COL5A3: variants seen among roughly 807,000 people sequenced by gnomAD.
The protein encoded by COL5A3 is collagen alpha-3(V) chain.
A neutral mutation model predicts 250.0 loss-of-function variants in COL5A3; 172 were observed. The observed-to-expected ratio is 0.69, with a 90% CI of 0.61 to 0.78. The LOEUF is 0.78. Among genes scored for constraint, COL5A3 ranks in the 30% least tolerant of loss-of-function variants. The pLI, the probability that COL5A3 is intolerant of heterozygous loss-of-function variation, is 0.00. For missense variants in COL5A3, 2,340 were observed against 2,334.4 expected, an observed-to-expected ratio of 1.00 and a Z score of -0.05; for synonymous variants, 937 against 900.4, an observed-to-expected ratio of 1.04 and a Z score of -0.73.
Position 9,996,229 on chromosome 19 carries a change from GC to G in COL5A3, c.1455del (p.Leu486SerfsTer16). The G allele has an allele frequency of 6.3e-7, 1 of 1,577,786 alleles. No homozygotes were observed. The highest frequency in any genetic ancestry group is 8.6e-7 in the Non-Finnish European group (1 of 1,164,126). Reference protein sequence around the residue: ...LSMKGPPGPVGLTGRPGPVGL... With the variant: ...LSMKGPPGPVXLTGRPGPVGL... ...ACCACAGGGCCTGGGCGCCCAGTGA[GC>G]CCCACTGGACCAGGGGGGCCTTTCA... On this transcript the variant is annotated frameshift_variant, in exon 14 of 67. Coordinates refer to ENST00000264828, the MANE Select transcript of COL5A3 (RefSeq NM_015719.4). LOFTEE classifies it high-confidence loss of function.
In COL5A3 at chr19:9,986,536, T is replaced by G; in HGVS notation, c.2244+17A>C. The G allele has an allele frequency of 2.5e-6, 4 of 1,612,580 alleles. No individual in the cohort carries two copies. Among genetic ancestry groups the G allele is most frequent in the Non-Finnish European group, 3.4e-6 (4 of 1,179,034 alleles). On this transcript the variant is annotated intron_variant, in intron 29 of 66. Transcript: ENST00000264828. ...GCCCCCAGACCCACACCACCCCTCATCTGGAGCTGGTCTTACCTGATCACC... is the reference window on the plus strand; with the variant it reads ...GCCCCCAGACCCACACCACCCCTCAGCTGGAGCTGGTCTTACCTGATCACC...
At chr19:10,003,189 A>G (rs2087389026) in intron 6 of COL5A3, among the ~76,000 whole-genome samples, 1 of 152,164 alleles carries the variant, frequency 6.6e-6, no homozygotes, top group Admixed American at 6.6e-5. Context: ...CTAACTAATG[A>G]ACACGTCATT....
intron 4 of COL5A3, 53 bp downstream of exon 4, chr19:10,005,505 T>C (rs2087428461): frequency 3.8e-6 from 6 of 1,560,274 alleles, no homozygotes; most frequent in South Asian, 1.1e-5. Context: ...ATTCAGGCTG[T>C]AGACAAAACA....
rs553667785 is a variant in COL5A3 at position 9,978,641 on chromosome 19, T to A, written c.2965-14A>T. 6 of 1,540,642 alleles carry A rather than the reference T, an allele frequency of 3.9e-6. No homozygotes were observed. Among genetic ancestry groups the A allele is most frequent in the Non-Finnish European group, 5.2e-6 (6 of 1,144,024 alleles). ...GCCAGTAGGTCCCTGAAGGAGGAGA[T>A]AATTCACAGTTAAGAGACTCCCAAA... is the stretch of plus-strand genomic sequence containing the variant. On this transcript the variant is annotated splice_polypyrimidine_tract_variant and intron_variant, in intron 40 of 66. Coordinates refer to ENST00000264828, the MANE Select transcript of COL5A3 (RefSeq NM_015719.4).
Position 10,003,561 on chromosome 19 carries a change from T to C in COL5A3, c.849+4A>G. ...CCGGAAGTGAGAGGTCTCAGGGCCC[T>C]TACCTGGTTCTCTGCGGAGTCAGGA... On this transcript the variant is annotated splice_donor_region_variant and intron_variant, in intron 6 of 66. Coordinates refer to ENST00000264828, the MANE Select transcript of COL5A3 (RefSeq NM_015719.4). 1 of 1,614,004 alleles carries C rather than the reference T, an allele frequency of 6.2e-7. No individual in the cohort carries two copies. The highest frequency in any genetic ancestry group is 8.5e-7 in the Non-Finnish European group (1 of 1,179,908).
chr19:9,967,269 C>T, intron 62 of COL5A3, 78 bp downstream of exon 62: 1 of 1,108,290 alleles, frequency 9.0e-7, no homozygotes, highest in Non-Finnish European at 1.2e-6. Flanking sequence ...CGGAAGGACC[C>T]TCTGGGGACA....
Position 9,986,590 on chromosome 19 carries a change from G to A in COL5A3, c.2207C>T (p.Pro736Leu). Residue 736 changes from proline to leucine, a missense_variant, in exon 29 of 67, where the codon CCA becomes CTA. Around this residue, in one of 3 missense-constraint regions of COL5A3, gnomAD observed 1,152 missense variants for 1,146.3 expected, o/e 1.00. Coordinates refer to ENST00000264828, the MANE Select transcript of COL5A3 (RefSeq NM_015719.4). ...EKGEKGEDGF[P>L]GFKGDVGLKG... ...GAGCCCCACATCGCCCTTGAAGCCT[G>A]GGAAGCCGTCCTCTCCCTGGGTGGG... The A allele has an allele frequency of 6.2e-7, 1 of 1,613,834 alleles. No homozygotes were observed. Among genetic ancestry groups the A allele is most frequent in the Non-Finnish European group, 8.5e-7 (1 of 1,179,966 alleles).
At chr19:9,985,214 G>T (rs564449556) in intron 31 of COL5A3, among the ~76,000 whole-genome samples, 1 of 149,686 alleles carries the variant, frequency 6.7e-6, no homozygotes, top group Admixed American at 6.7e-5. Context: ...GCCTCCCAAA[G>T]CGTTGGGATT....
chr19:10,005,509 C>A, intron 4 of COL5A3, 49 bp downstream of exon 4: 1 of 1,584,158 alleles, frequency 6.3e-7, no homozygotes. Flanking sequence ...AGGCTGTAGA[C>A]AAAACATCCC....
rs144513958 is a variant in COL5A3, at chr19:9,991,611, T to C, written c.1991A>G (p.Lys664Arg). The C allele has an allele frequency of 1.9e-6, 3 of 1,595,098 alleles. No individual in the cohort carries two copies. The highest frequency in any genetic ancestry group is 2.6e-6 in the Non-Finnish European group (3 of 1,170,542). The change falls in exon 24 of 67, where the codon AAG becomes AGG. Residue 664 changes from lysine to arginine, a missense_variant and splice_region_variant. Lys to Arg is a conservative substitution (Grantham distance 26). Around this residue, in one of 3 missense-constraint regions of COL5A3, gnomAD observed 1,152 missense variants for 1,146.3 expected, o/e 1.00. Transcript: ENST00000264828. The stretch of plus-strand genomic sequence containing the variant: ...GCGGTAGGTGGAGCTGTCACTCACC[T>C]TCTCCCCAGGAGTGCCAATGAGTCC... ...PQGLIGTPGE[K>R]GPPGNPGIPG... is the part of the protein sequence containing the mutation.
At chr19:9,985,572 T>C (rs1349319040) in intron 31 of COL5A3, among the ~76,000 whole-genome samples, 1 of 152,094 alleles carries the variant, frequency 6.6e-6, no homozygotes, top group Non-Finnish European at 1.5e-5. Context: ...ATCTGGCTAA[T>C]TTTTGTATGT....
At chr19:9,988,029 G>A (rs926069054) in intron 27 of COL5A3, among the ~76,000 whole-genome samples, 15 of 152,222 alleles carry the variant, frequency 9.9e-5, no homozygotes, top group African/African-American at 3.1e-4. Flanking sequence ...GAGGTCAGGC[G>A]TTCAAGACCA....
intron 8 of COL5A3, 56 bp from the exon 9 acceptor site, chr19:9,998,205 C>T: frequency 6.6e-7 from 1 of 1,525,850 alleles, no homozygotes; most frequent in Non-Finnish European, 8.9e-7. Context: ...GGACATAAGC[C>T]CTTCAGTTAT....
At chr19:9,990,968 T>C (rs1422141564) in intron 24 of COL5A3, among the ~76,000 whole-genome samples, 1 of 152,176 alleles carries the variant, frequency 6.6e-6, no homozygotes, top group African/African-American at 2.4e-5. Flanking sequence ...CTCTCGCCTG[T>C]AATCCCAGCA....
Position 9,980,943 on chromosome 19 carries a change from C to T in COL5A3, c.2506-84G>A, listed in dbSNP as rs140542434. The stretch of plus-strand genomic sequence containing the variant: ...AGACCAAGTCTTCCAGGTCCCCTCC[C>T]CTTGTGACTCCCTCTCCTGCCCGAC... On this transcript the variant is annotated intron_variant, in intron 33 of 66. Coordinates refer to ENST00000264828, the MANE Select transcript of COL5A3 (RefSeq NM_015719.4). 339 of 1,510,696 alleles carry T rather than the reference C, an allele frequency of 2.2e-4. 4 individuals are homozygous for T. The African/African-American group carries it at 4.3e-3, about 19-fold the overall frequency. The allele number at this position is 1,510,696 out of a possible 1,614,324, so 93.6% of individuals were successfully genotyped here.
rs369814110 is a variant in COL5A3, at chr19:9,982,050, C to T, written c.2460+15G>A. The T allele has an allele frequency of 6.2e-7, 1 of 1,605,556 alleles. No homozygotes were observed. The highest frequency in any genetic ancestry group is 2.2e-5 in the East Asian group (1 of 44,718). On this transcript the variant is annotated intron_variant, in intron 32 of 66. Coordinates refer to ENST00000264828, the MANE Select transcript of COL5A3 (RefSeq NM_015719.4). The stretch of plus-strand genomic sequence containing the variant: ...ACAAGTTCTCCCCTCTCCCTTACCC[C>T]CGGTCATGACTCACCGACTTCCCTT...
At chr19:9,991,915 G>T in intron 22 of COL5A3, 74 bp from the exon 23 acceptor site, 2 of 1,575,660 alleles carry the variant, frequency 1.3e-6, no homozygotes, top group Non-Finnish European at 1.7e-6. Flanking sequence ...TTGACTTGGG[G>T]GGGGTCAGTC....
At position 9,991,358 on chromosome 19, in the gene COL5A3, C is replaced by T. The variant is rs1486920310; in HGVS notation, c.1992+252G>A. ...GGCCTGTGCCTCTTGGTAATATCTTCTGTGACAGGCTTCTGTGGGCTCTCT... is the reference window on the plus strand; with the variant it reads ...GGCCTGTGCCTCTTGGTAATATCTTTTGTGACAGGCTTCTGTGGGCTCTCT... On this transcript the variant is annotated intron_variant, in intron 24 of 66. Transcript: ENST00000264828. Among the ~76,000 whole-genome samples, 7 of 152,262 alleles carry T rather than the reference C, an allele frequency of 4.6e-5. 1 individual carries two copies. The highest frequency in any genetic ancestry group is 2.0e-4 in the Admixed American group (3 of 15,282).
chr19:9,960,686 C>T lies in COL5A3; in HGVS notation c.5056G>A (p.Ala1686Thr), dbSNP rs779836383. 5.1e-5 allele frequency: 83 copies of T among 1,613,540 alleles called. No homozygotes were observed. Among genetic ancestry groups the T allele is most frequent in the Non-Finnish European group, 6.8e-5 (80 of 1,179,972 alleles). Residue 1686 changes from alanine to threonine, a missense_variant, in exon 66 of 67, where the codon GCA becomes ACA. Ala to Thr is a moderately conservative substitution (Grantham distance 58). Transcript: ENST00000264828. ...TCCTGGGGGACGCTGACAGTGGCTG[C>T]TGTCGTCTGGTTGAAAGACAGCTCC... ...GEELSFNQTT[A>T]ATVSVPQDGC...
Sources: allele counts gnomAD v4.1 joint callset (sites outside exome capture counted in the v4.1 genomes callset), GRCh38; gene constraint gnomAD v4.1.1; regional missense constraint gnomAD v4.1.1; transcripts MANE v1.5; gene names NCBI Gene and HGNC (gene_info 2026-07-23, HGNC 2026-07-21).